Variants in USP14 observed in about 807,000 individuals in gnomAD.
USP14 encodes the protein ubiquitin carboxyl-terminal hydrolase 14.
Under a neutral mutation model 76.5 loss-of-function variants are expected in USP14, and 38 were observed. The ratio of observed to expected loss-of-function variants is 0.50; its 90% CI spans 0.38 to 0.65. USP14 has a LOEUF of 0.65. Among genes scored for constraint, USP14 ranks in the 30% least tolerant of loss-of-function variants. USP14 has a pLI of 0.00. For synonymous variants in USP14, 192 were observed against 191.7 expected (o/e 1.00, Z -0.01); for missense variants, 467 against 586.5 (o/e 0.80, Z 2.10).
At chr18:162,261 A>G (rs964023153) in intron 1 of USP14, among the ~76,000 whole-genome samples, 2 of 152,194 alleles carry the variant, frequency 1.3e-5, no homozygotes, top group Admixed American at 6.6e-5. Context: ...ATACCCAGAA[A>G]TGAAATTGCT....
intron 5 of USP14, among the ~76,000 whole-genome samples, chr18:186,579 C>T (rs1909936329): frequency 6.6e-6 from 1 of 151,978 alleles, no homozygotes; most frequent in Admixed American, 6.6e-5. Context: ...ATGGTGAAAC[C>T]CCGTCTCTAT....
chr18:165,899 C>A (rs769955385), intron 2 of USP14, among the ~76,000 whole-genome samples: 1 of 151,984 alleles, frequency 6.6e-6, no homozygotes, highest in African/African-American at 2.4e-5. Context: ...ATTGGGTACC[C>A]GATACCTTCT....
chr18:187,923 A>G (rs372860330), intron 5 of USP14, among the ~76,000 whole-genome samples: 11 of 152,310 alleles, frequency 7.2e-5, no homozygotes, highest in African/African-American at 2.6e-4. Context: ...GAAATAAGGC[A>G]TATTTTCTAT....
intron 10 of USP14, among the ~76,000 whole-genome samples, chr18:200,217 C>T (rs1438651192): frequency 3.3e-5 from 5 of 152,100 alleles, no homozygotes; most frequent in African/African-American, 1.2e-4. Context: ...CTTAGCTGAA[C>T]TGTTAACTTT....
chr18:160,244 T>G (rs959018070), intron 1 of USP14, among the ~76,000 whole-genome samples: 1 of 152,084 alleles, frequency 6.6e-6, no homozygotes, highest in African/African-American at 2.4e-5. Context: ...GCGGAGGTTG[T>G]AGTGAGCCAA....
At position 179,046 on chromosome 18, in the gene USP14, C is replaced by T. The variant is rs1909707899; in HGVS notation, c.300+9C>T. On this transcript the variant is annotated intron_variant, in intron 4 of 15. Transcript: ENST00000261601. ...AACAGTTAGCATCTGCTGTAAGACA[C>T]ACCAGATTTTATGTGTTTGATCACT... The T allele has an allele frequency of 2.4e-5, 38 of 1,578,710 alleles. No homozygotes were observed. Among genetic ancestry groups the T allele is most frequent in the Non-Finnish European group, 3.3e-5 (38 of 1,163,336 alleles).
chr18:203,361 A>G (rs967263667), intron 12 of USP14, among the ~76,000 whole-genome samples, 171 bp downstream of exon 12: 2 of 151,956 alleles, frequency 1.3e-5, no homozygotes, highest in African/African-American at 4.8e-5. Flanking sequence ...AGAATTATCT[A>G]TTGTCTTTTT....
chr18:166,193 T>C (rs985773586), intron 2 of USP14, among the ~76,000 whole-genome samples: 13 of 152,220 alleles, frequency 8.5e-5, no homozygotes, highest in Non-Finnish European at 1.8e-4. Context: ...TAGTACTTGC[T>C]AAAAGTATTT....
chr18:194,087 G>A (rs1374228695), intron 6 of USP14, among the ~76,000 whole-genome samples: 6 of 152,320 alleles, frequency 3.9e-5, no homozygotes, highest in East Asian at 3.9e-4. Flanking sequence ...CTCCTTACCA[G>A]TACTTAGTAT....
At chr18:197,558 G>A in intron 7 of USP14, 58 bp from the exon 8 acceptor site, 2 of 1,384,626 alleles carry the variant, frequency 1.4e-6, no homozygotes, top group Non-Finnish European at 1.0e-6. Context: ...TATTTTGGAA[G>A]AACTTTGTAG....
chr18:205,758 A>G (rs951634974), intron 13 of USP14, among the ~76,000 whole-genome samples: 2 of 152,202 alleles, frequency 1.3e-5, no homozygotes, highest in African/African-American at 2.4e-5. Flanking sequence ...TCCAACCTGT[A>G]TAACAAAGCA....
rs1226158036 is a variant in USP14, at chr18:213,227, A to T, written c.*1943A>T. 6.6e-6 allele frequency: 1 copy of T among 152,130 alleles called. No individual in the cohort carries two copies. Among genetic ancestry groups the T allele is most frequent in the Non-Finnish European group, 1.5e-5 (1 of 68,034 alleles). 9.4% of individuals were successfully genotyped at this position (152,130 alleles called of 1,614,324 possible). A position where few individuals can be genotyped will look rare whatever the true frequency, so the allele number is the denominator to read the frequency against. ...CATGAATTTAACAATTAGAATTTAG[A>T]TTTTCTGACTGTAGCTACTAAATGT... On this transcript the variant is annotated 3_prime_UTR_variant, in exon 16 of 16. Coordinates refer to ENST00000261601, the MANE Select transcript of USP14 (RefSeq NM_005151.4).
At chr18:201,470 AG>A (rs1206523359) in intron 10 of USP14, among the ~76,000 whole-genome samples, 1 of 152,198 alleles carries the variant, frequency 6.6e-6, no homozygotes, top group Non-Finnish European at 1.5e-5. Context: ...GGCAAGGGGA[AG>A]GGTTGTTAAA....
At chr18:196,197 T>TG (rs1910229648) in intron 6 of USP14, among the ~76,000 whole-genome samples, 7 of 151,630 alleles carry the variant, frequency 4.6e-5, no homozygotes, top group Admixed American at 2.6e-4. Flanking sequence ...GGTGGCATGC[T>TG]CCTGTAATCC....
In USP14 at chr18:186,045, C is replaced by CA. The variant is rs530171245; in HGVS notation, c.404+5713dup. Among the ~76,000 whole-genome samples the CA allele has an allele frequency of 2.6e-3, 370 of 144,398 alleles. 3 individuals carry two copies. Among genetic ancestry groups the CA allele is most frequent in the African/African-American group, 8.5e-3 (351 of 41,080 alleles). 94.7% of individuals were successfully genotyped at this position (144,398 alleles called of 152,430 possible). ...GTAACAGATTTCAACTTGTTCTTGA[C>CA]AAAAAAATTTTAAATAACAGAAAAG... is the stretch of plus-strand genomic sequence containing the variant. On this transcript the variant is annotated intron_variant, in intron 5 of 15. Coordinates refer to ENST00000261601, the MANE Select transcript of USP14 (RefSeq NM_005151.4).
chr18:178,690 G>A (rs529487475), intron 3 of USP14, among the ~76,000 whole-genome samples: 1 of 152,268 alleles, frequency 6.6e-6, no homozygotes, highest in East Asian at 1.9e-4. Context: ...GAGTTGTGCA[G>A]CCTTCACCAC....
intron 10 of USP14, among the ~76,000 whole-genome samples, chr18:200,255 G>T (rs1188472675): frequency 6.6e-6 from 1 of 152,130 alleles, no homozygotes; most frequent in Non-Finnish European, 1.5e-5. Context: ...CTAAGCTACT[G>T]TTTTCTTACG....
intron 3 of USP14, among the ~76,000 whole-genome samples, chr18:167,804 A>G (rs544592520): frequency 1.4e-3 from 213 of 152,002 alleles, no homozygotes; most frequent in Non-Finnish European, 2.1e-3. Flanking sequence ...GGTGTGAGTC[A>G]CTGTGCCCAG....
At chr18:162,802 CTTT>C (rs562971458) in intron 1 of USP14, among the ~76,000 whole-genome samples, 2 of 144,924 alleles carry the variant, frequency 1.4e-5, no homozygotes, top group Non-Finnish European at 3.0e-5. Context: ...GTCTCAGTTT[CTTT>C]TTTTTTTTTT....
Sources: allele counts gnomAD v4.1 joint callset (sites outside exome capture counted in the v4.1 genomes callset), GRCh38; gene constraint gnomAD v4.1.1; transcripts MANE v1.5; gene names NCBI Gene and HGNC (gene_info 2026-07-23, HGNC 2026-07-21).